The following ANXA4 variants were observed in gnomAD, a reference collection of about 807,000 sequenced individuals.
ANXA4 encodes 35-beta calcimedin.
ANXA4 carries 39 observed loss-of-function variants against 49.8 expected under a neutral mutation model. The ratio of observed to expected loss-of-function variants is 0.78; its 90% CI spans 0.61 to 1.02. The LOEUF (loss-of-function observed/expected upper bound fraction) is 1.02, where lower values mean the gene tolerates loss of function less well. ANXA4 is among the 50% of genes least tolerant of loss of function. The probability of loss-of-function intolerance (pLI) is 0.00; values close to 1 mark genes in which losing one functional copy is unlikely to be tolerated. For synonymous variants in ANXA4, 134 were observed against 152.5 expected (o/e 0.88, Z 0.89); for missense variants, 360 against 410.1 (o/e 0.88, Z 1.05).
intron 3 of ANXA4, among the ~76,000 whole-genome samples, chr2:69,796,301 C>A (rs939586829): frequency 5.9e-5 from 9 of 152,192 alleles, no homozygotes; most frequent in African/African-American, 2.2e-4. Context: ...TGCAAGCCTG[C>A]AAAGCATCTC....
At chr2:69,645,711 G>A (rs542659291) in intron 1 of ANXA4, among the ~76,000 whole-genome samples, 1 of 152,284 alleles carries the variant, frequency 6.6e-6, no homozygotes, top group South Asian at 2.1e-4. Context: ...GCTCTGATCA[G>A]AAGCTGAGGG....
intron 2 of ANXA4, among the ~76,000 whole-genome samples, chr2:69,706,990 A>C (rs1417798854): frequency 1.3e-5 from 2 of 152,196 alleles, no homozygotes; most frequent in Non-Finnish European, 2.9e-5. Flanking sequence ...TTCATTCCTG[A>C]AATACACTTG....
In ANXA4 at chr2:69,683,582, T is replaced by TTCC. The variant is rs1018553612; in HGVS notation, n.766+30317_766+30319dup. ...AGGAACGATATGCGCTGTCTTCTTCTTCCTCCTCCTCCTCCTCCTTTTCCT... is the reference window on the plus strand; with the variant it reads ...AGGAACGATATGCGCTGTCTTCTTCTTCCTCCTCCTCCTCCTCCTCCTTTTCCT... On this transcript the variant is annotated intron_variant and non_coding_transcript_variant, in intron 2 of 3. Coordinates refer to the ANXA4 transcript ENST00000418066. Among the ~76,000 whole-genome samples the TTCC allele has an allele frequency of 2.5e-4, 38 of 152,198 alleles. No individual in the cohort carries two copies. In the South Asian group the frequency reaches 6.6e-3, roughly 27 times the overall value.
At chr2:69,766,639 G>A (rs1377915681) in intron 1 of ANXA4, among the ~76,000 whole-genome samples, 1 of 152,208 alleles carries the variant, frequency 6.6e-6, no homozygotes, top group Non-Finnish European at 1.5e-5. Flanking sequence ...GAAGTTGGCT[G>A]CACCATAGTT....
At chr2:69,728,990 C>T (rs1670031822) in intron 3 of ANXA4, among the ~76,000 whole-genome samples, 1 of 152,104 alleles carries the variant, frequency 6.6e-6, no homozygotes, top group Non-Finnish European at 1.5e-5. Flanking sequence ...TACCTTCCTC[C>T]ATTATATCTT....
chr2:69,655,318 A>G (rs1279466700), intron 2 of ANXA4, among the ~76,000 whole-genome samples: 4 of 152,172 alleles, frequency 2.6e-5, no homozygotes, highest in African/African-American at 9.7e-5. Context: ...AAGGAACTCA[A>G]ACAAATTTAC....
chr2:69,649,897 A>G (rs1390697086), intron 1 of ANXA4, among the ~76,000 whole-genome samples: 1 of 139,848 alleles, frequency 7.2e-6, no homozygotes, highest in Non-Finnish European at 1.5e-5. Context: ...GCTGGGATTA[A>G]AGGTGTGAGC....
chr2:69,793,179 G>C (rs1447416125), intron 3 of ANXA4, among the ~76,000 whole-genome samples: 1 of 151,540 alleles, frequency 6.6e-6, no homozygotes, highest in Non-Finnish European at 1.5e-5. Flanking sequence ...TTGAACCAGG[G>C]AGTCAGAGGT....
intron 2 of ANXA4, among the ~76,000 whole-genome samples, chr2:69,691,591 A>T (rs1677970399): frequency 6.6e-6 from 1 of 151,954 alleles, no homozygotes; most frequent in African/African-American, 2.4e-5. Context: ...ACACACACAC[A>T]CACACACAGA....
chr2:69,678,706 C>G (rs146276609), intron 2 of ANXA4, among the ~76,000 whole-genome samples: 29 of 152,222 alleles, frequency 1.9e-4, no homozygotes, highest in Admixed American at 5.9e-4. Context: ...CCACAAATTT[C>G]TATTTCTACT....
chr2:69,759,688 G>A (rs1305626070), intron 1 of ANXA4, among the ~76,000 whole-genome samples: 3 of 152,126 alleles, frequency 2.0e-5, no homozygotes, highest in African/African-American at 4.8e-5. Flanking sequence ...AGCACTGACT[G>A]TCCAGGATGC....
intron 2 of ANXA4, among the ~76,000 whole-genome samples, chr2:69,708,814 C>T (rs1405058974): frequency 6.6e-6 from 1 of 151,320 alleles, no homozygotes; most frequent in Non-Finnish European, 1.5e-5. Flanking sequence ...GCCAGGAGTT[C>T]GAAACCAGCC....
At chr2:69,731,815 C>A (rs1174773981) in intron 3 of ANXA4, among the ~76,000 whole-genome samples, 1 of 152,050 alleles carries the variant, frequency 6.6e-6, no homozygotes, top group Non-Finnish European at 1.5e-5. Context: ...AAATGATGAA[C>A]CTCCCTGTGG....
chr2:69,774,474 G>C (rs1393268875), intron 1 of ANXA4, among the ~76,000 whole-genome samples: 1 of 151,684 alleles, frequency 6.6e-6, no homozygotes, highest in African/African-American at 2.4e-5. Flanking sequence ...GAGTAGCTGG[G>C]ATTACAGGCA....
chr2:69,781,595 A>T (rs780316639), intron 2 of ANXA4, 21 bp downstream of exon 2: 11 of 1,613,688 alleles, frequency 6.8e-6, no homozygotes, highest in Non-Finnish European at 8.5e-6. Flanking sequence ...AAATACCTCA[A>T]CCCTATCTGG....
At chr2:69,803,042 C>CA (rs950144236) in intron 3 of ANXA4, among the ~76,000 whole-genome samples, 9 of 149,024 alleles carry the variant, frequency 6.0e-5, no homozygotes, top group Non-Finnish European at 9.0e-5. Flanking sequence ...GTAAAAAATA[C>CA]AAAAAAAAAT....
At chr2:69,817,524 C>T (rs777057974) in intron 9 of ANXA4, 1 of 152,156 alleles carries the variant, frequency 6.6e-6, no homozygotes, top group Non-Finnish European at 1.5e-5. Flanking sequence ...CACACACTGA[C>T]TTCAATTTAA....
intron 8 of ANXA4, chr2:69,815,861 A>C: frequency 2.0e-6 from 1 of 494,240 alleles, no homozygotes; most frequent in Non-Finnish European, 3.7e-6. Flanking sequence ...AGAACCATGT[A>C]GTCTCCAGCT....
At chr2:69,694,615 CAT>C (rs1339698607) in intron 2 of ANXA4, among the ~76,000 whole-genome samples, 2 of 143,442 alleles carry the variant, frequency 1.4e-5, no homozygotes, top group African/African-American at 5.2e-5. Flanking sequence ...TGAGTGAGAA[CAT>C]GTGGTGTTTG....
Sources: gnomAD v4.1 joint callset for allele counts (sites outside exome capture counted in the v4.1 genomes callset) on GRCh38, gnomAD v4.1.1 for gene constraint, MANE v1.5 for transcripts, NCBI Gene and HGNC (gene_info 2026-07-23, HGNC 2026-07-21) for gene names.